Variants in GALNT18 observed in about 807,000 individuals in gnomAD.
GALNT18 encodes the protein polypeptide N-acetylgalactosaminyltransferase 18, also known as GalNAc-transferase 18.
GALNT18 carries 44 observed loss-of-function variants against 69.5 expected under a neutral mutation model. The observed-to-expected ratio is 0.63, with a 90% CI of 0.50 to 0.81. GALNT18 has a LOEUF of 0.81. Among genes scored for constraint, GALNT18 ranks in the 40% least tolerant of loss-of-function variants. GALNT18 has a pLI of 0.00. For missense variants in GALNT18, 715 were observed against 810.0 expected, an observed-to-expected ratio of 0.88 and a Z score of 1.42; for synonymous variants, 364 against 318.2, an observed-to-expected ratio of 1.14 and a Z score of -1.53.
At chr11:11,475,319 T>C (rs1348737828) in intron 1 of GALNT18, 3 of 152,238 alleles carry the variant, frequency 2.0e-5, no homozygotes, top group Non-Finnish European at 4.4e-5. Context: ...TGTTAACATC[T>C]ACTTTCCACA....
At chr11:11,574,788 G>A (rs1055844419) in intron 1 of GALNT18, among the ~76,000 whole-genome samples, 29 of 152,156 alleles carry the variant, frequency 1.9e-4, no homozygotes, top group Non-Finnish European at 4.0e-4. Context: ...CAGCAAAGGA[G>A]TCGTATTAGG....
chr11:11,369,658 G>A (rs1850852209), intron 6 of GALNT18, among the ~76,000 whole-genome samples: 1 of 152,054 alleles, frequency 6.6e-6, no homozygotes, highest in Non-Finnish European at 1.5e-5. Context: ...GCCCTTAAAT[G>A]TTTTCTTATG....
chr11:11,566,317 G>T (rs1473808597), intron 1 of GALNT18, among the ~76,000 whole-genome samples: 1 of 152,194 alleles, frequency 6.6e-6, no homozygotes, highest in Non-Finnish European at 1.5e-5. Flanking sequence ...GTGGGACTGT[G>T]CTCCAATAAA....
intron 8 of GALNT18, among the ~76,000 whole-genome samples, chr11:11,330,712 C>A (rs1850003085): frequency 6.6e-6 from 1 of 152,216 alleles, no homozygotes; most frequent in African/African-American, 2.4e-5. Context: ...ATTTGACAAA[C>A]CAAATGTTTC....
intron 6 of GALNT18, chr11:11,352,054 A>T (rs1234350542): frequency 6.2e-7 from 1 of 1,613,802 alleles, no homozygotes; most frequent in Non-Finnish European, 8.5e-7. Context: ...GGCACTGAAG[A>T]AATCCCTGAC....
intron 3 of GALNT18, among the ~76,000 whole-genome samples, chr11:11,407,175 A>G (rs1589976108): frequency 6.6e-6 from 1 of 152,236 alleles, no homozygotes; most frequent in Admixed American, 6.5e-5. Flanking sequence ...CAATGTGTTC[A>G]GGCCAAGGCC....
chr11:11,566,430 T>G (rs1278042587), intron 1 of GALNT18, among the ~76,000 whole-genome samples: 2 of 152,208 alleles, frequency 1.3e-5, no homozygotes, highest in Non-Finnish European at 2.9e-5. Flanking sequence ...GACTGAGGAT[T>G]GTAAGTAACA....
intron 1 of GALNT18, among the ~76,000 whole-genome samples, chr11:11,515,905 G>A (rs1857263406): frequency 6.6e-6 from 1 of 152,234 alleles, no homozygotes; most frequent in South Asian, 2.1e-4. Context: ...TCCCTCAACG[G>A]GAGAGAGGCA....
In GALNT18 at chr11:11,341,990, C is replaced by T. The variant is rs1016652467; in HGVS notation, c.1093-986G>A. On this transcript the variant is annotated intron_variant, in intron 6 of 10. Transcript: ENST00000227756. The surrounding 1 kb of genome is among the most constrained non-coding windows in gnomAD (Gnocchi z 6.3). ...AAAATTTTTTTTTTTTTAAAAAGACCTTGACTATATGGCCCCAACATTGTG... is the reference window on the plus strand; with the variant it reads ...AAAATTTTTTTTTTTTTAAAAAGACTTTGACTATATGGCCCCAACATTGTG... Among the ~76,000 whole-genome samples the T allele has an allele frequency of 6.6e-6, 1 of 151,494 alleles. No individual in the cohort carries two copies.
Position 11,271,264 on chromosome 11 carries a change from A to C in GALNT18, c.1704T>G (p.Ser568=). 6.2e-7 allele frequency: 1 copy of C among 1,614,110 alleles called. No homozygotes were observed. Among genetic ancestry groups the C allele is most frequent in the Non-Finnish European group, 8.5e-7 (1 of 1,179,974 alleles). The change falls in exon 11 of 11, where the codon TCT becomes TCG. Residue 568 remains serine (S), a synonymous_variant. Coordinates refer to ENST00000227756, the MANE Select transcript of GALNT18 (RefSeq NM_198516.3). ...TCTCCTGCAGCTCCAGACAGCGCTT[A>C]GACTTGCGGTTCTGGATGGGTCCTC... ...SQGGPIQNRK[S]KRCLELQENS... is the part of the protein sequence containing the mutation.
intron 1 of GALNT18, among the ~76,000 whole-genome samples, chr11:11,568,757 C>G (rs754243696): frequency 6.6e-6 from 1 of 152,294 alleles, no homozygotes; most frequent in South Asian, 2.1e-4. Context: ...CCTGGGTGAC[C>G]TAGTACAAGT....
rs1389746972 is a variant in GALNT18, at chr11:11,387,451, C to T, written c.596-8187G>A. On this transcript the variant is annotated intron_variant, in intron 3 of 10. Coordinates refer to ENST00000227756, the MANE Select transcript of GALNT18 (RefSeq NM_198516.3). The surrounding 1 kb of genome is among the most constrained non-coding windows in gnomAD (Gnocchi z 4.6). ...GGGGAGTGGGAACACCCCACCCACA[C>T]CCCCACTAATCCACCTCCCACTGAC... 1.3e-5 allele frequency among the ~76,000 whole-genome samples: 2 copies of T among 152,138 alleles called. No individual in the cohort carries two copies. The highest frequency in any genetic ancestry group is 4.8e-5 in the African/African-American group (2 of 41,428).
intron 3 of GALNT18, among the ~76,000 whole-genome samples, chr11:11,426,116 G>A (rs1294693932): frequency 1.3e-5 from 2 of 152,214 alleles, no homozygotes; most frequent in Non-Finnish European, 2.9e-5. Flanking sequence ...CTACTGTCAG[G>A]AATGCTTGCA....
rs1860067356 is a variant in GALNT18, at chr11:11,616,924, G to A, written c.235+4435C>T. Among the ~76,000 whole-genome samples the A allele has an allele frequency of 6.6e-6, 1 of 152,198 alleles. No homozygotes were observed. The highest frequency in any genetic ancestry group is 1.5e-5 in the Non-Finnish European group (1 of 68,036). ...GCAAAGGTTTTATAAACGGTAGTCA[G>A]TTAAAGAATAGCAATCAAATTACAT... On this transcript the variant is annotated intron_variant, in intron 1 of 10. Transcript: ENST00000227756. This position sits in a 1 kb window ranked among gnomAD's most constrained non-coding sequence, Gnocchi z 4.4.
chr11:11,448,610 G>A (rs947453152), intron 2 of GALNT18, 134 bp downstream of exon 2: 2 of 627,642 alleles, frequency 3.2e-6, no homozygotes, highest in South Asian at 2.8e-5. Flanking sequence ...CGCAAGCCGA[G>A]GGGACAGGCC....
chr11:11,590,351 G>A lies in GALNT18; in HGVS notation c.235+31008C>T, dbSNP rs1260229617. Among the ~76,000 whole-genome samples the A allele has an allele frequency of 6.6e-6, 1 of 152,244 alleles. No individual in the cohort carries two copies. Among genetic ancestry groups the A allele is most frequent in the Non-Finnish European group, 1.5e-5 (1 of 68,048 alleles). On this transcript the variant is annotated intron_variant, in intron 1 of 10. Coordinates refer to ENST00000227756, the MANE Select transcript of GALNT18 (RefSeq NM_198516.3). The surrounding 1 kb of genome is among the most constrained non-coding windows in gnomAD (Gnocchi z 4.4). ...GACAGGGCCCAAGCCTATGTCCTTG[G>A]ATGGAAGGAAGGCTGCAGGCCCACA...
intron 1 of GALNT18, among the ~76,000 whole-genome samples, chr11:11,558,165 A>G (rs1858378260): frequency 6.6e-6 from 1 of 152,172 alleles, no homozygotes; most frequent in East Asian, 1.9e-4. Flanking sequence ...TCAGATCCCC[A>G]TTTCTTTTTT....
At chr11:11,397,559 G>C (rs907929459) in intron 3 of GALNT18, among the ~76,000 whole-genome samples, 2 of 152,164 alleles carry the variant, frequency 1.3e-5, no homozygotes, top group African/African-American at 4.8e-5. Context: ...CACCTCCCCG[G>C]TTCAAGTGAT....
chr11:11,613,649 G>A lies in GALNT18; in HGVS notation c.235+7710C>T, dbSNP rs1045807896. On this transcript the variant is annotated intron_variant, in intron 1 of 10. Coordinates refer to ENST00000227756, the MANE Select transcript of GALNT18 (RefSeq NM_198516.3). The surrounding 1 kb of genome is among the most constrained non-coding windows in gnomAD (Gnocchi z 4.2). Reference sequence around the variant, plus strand: ...GAGCTGACTCTAACCCCAAAGGCAAGTGAGATTCAATAACAATTGTAGGAG... The same window carrying A: ...GAGCTGACTCTAACCCCAAAGGCAAATGAGATTCAATAACAATTGTAGGAG... 6.6e-6 allele frequency among the ~76,000 whole-genome samples: 1 copy of A among 152,178 alleles called. No individual in the cohort carries two copies. Among genetic ancestry groups the A allele is most frequent in the Non-Finnish European group, 1.5e-5 (1 of 68,038 alleles).
Sources: allele counts gnomAD v4.1 joint callset (sites outside exome capture counted in the v4.1 genomes callset), GRCh38; gene constraint gnomAD v4.1.1; non-coding constraint Gnocchi (gnomAD v3.1); transcripts MANE v1.5; gene names NCBI Gene and HGNC (gene_info 2026-07-23, HGNC 2026-07-21).